The following PCDH11X variants were observed in gnomAD, a reference collection of about 807,000 sequenced individuals.
PCDH11X encodes the protein protocadherin-11 X-linked.
PCDH11X carries 18 observed loss-of-function variants against 53.3 expected under a neutral mutation model. The ratio of observed to expected loss-of-function variants is 0.34; its 90% CI spans 0.23 to 0.50. The LOEUF (loss-of-function observed/expected upper bound fraction) is 0.50. Ranked by LOEUF, PCDH11X falls within the 20% of genes least tolerant of loss-of-function variation. The pLI is 0.98. For missense variants in PCDH11X, 570 were observed against 1,032.4 expected (o/e 0.55, Z 6.14); for synonymous variants, 279 against 393.3 (o/e 0.71, Z 3.44).
At chrX:92,312,109 G>A (rs969919153) in intron 8 of PCDH11X, among the ~76,000 whole-genome samples, 2 of 111,552 alleles carry the variant, frequency 1.8e-5, no homozygotes, top group Non-Finnish European at 3.8e-5. Context: ...CATCATTGCA[G>A]TGCCAAAGAA....
chrX:92,170,164 G>T (rs1472415128), intron 6 of PCDH11X, among the ~76,000 whole-genome samples: 7 of 111,136 alleles, frequency 6.3e-5, no homozygotes, highest in Non-Finnish European at 1.3e-4. Context: ...TGAACTGAAA[G>T]TTGTATTTTT....
At chrX:91,820,884 T>C (rs1936652898) in intron 4 of PCDH11X, among the ~76,000 whole-genome samples, 1 of 106,200 alleles carries the variant, frequency 9.4e-6, no homozygotes, top group African/African-American at 3.8e-5. Flanking sequence ...TTCAGCTTTC[T>C]ACATATGGCT....
intron 9 of PCDH11X, among the ~76,000 whole-genome samples, chrX:92,392,294 A>G (rs979112180): frequency 1.1e-4 from 12 of 111,427 alleles, no homozygotes; most frequent in African/African-American, 3.2e-4. Flanking sequence ...AAAGATAAAT[A>G]TATGTTTTTA....
At chrX:91,899,932 G>A (rs1463340891) in intron 6 of PCDH11X, among the ~76,000 whole-genome samples, 1 of 111,566 alleles carries the variant, frequency 9.0e-6, no homozygotes, top group East Asian at 2.8e-4. Flanking sequence ...TATTCCCTTT[G>A]CCTTCAGCAA....
rs62607484 is a variant in PCDH11X at position 92,200,748 on chromosome X, G to A, written c.3034-627G>A. Reference sequence around the variant, plus strand: ...AATAGCAAATTTGTGTTGTGGTGGCGCACACAAGATTGATTTTAATTTGCA... The same window carrying A: ...AATAGCAAATTTGTGTTGTGGTGGCACACACAAGATTGATTTTAATTTGCA... On this transcript the variant is annotated intron_variant, in intron 6 of 10. Transcript: ENST00000682573. 7.3e-3 allele frequency among the ~76,000 whole-genome samples: 819 copies of A among 111,585 alleles called. 4 individuals carry two copies. Among genetic ancestry groups the A allele is most frequent in the Non-Finnish European group, 0.01 (547 of 53,091 alleles).
intron 8 of PCDH11X, among the ~76,000 whole-genome samples, chrX:92,294,186 G>A (rs1359735033): frequency 9.1e-6 from 1 of 110,269 alleles, no homozygotes; most frequent in Non-Finnish European, 1.9e-5. Context: ...TTGTTGCTCA[G>A]TTTGGAGTGC....
At chrX:92,263,271 T>A (rs1457545735) in intron 8 of PCDH11X, 128 bp downstream of exon 8, 6 of 511,866 alleles carry the variant, frequency 1.2e-5, no homozygotes, top group Non-Finnish European at 1.8e-5. Flanking sequence ...GGTTCTACTT[T>A]AAAAGAGAGT....
intron 9 of PCDH11X, among the ~76,000 whole-genome samples, chrX:92,415,578 G>T (rs4893320): frequency 0.32 from 35,804 of 110,529 alleles, 4,779 homozygotes; most frequent in East Asian, 0.7. Context: ...AAATATGTCA[G>T]TATTCATTTG....
At chrX:92,276,091 G>A (rs1050186837) in intron 8 of PCDH11X, among the ~76,000 whole-genome samples, 2 of 109,878 alleles carry the variant, frequency 1.8e-5, no homozygotes, top group African/African-American at 3.3e-5. Flanking sequence ...GCATAAAAGA[G>A]TATTGTCTCA....
intron 6 of PCDH11X, among the ~76,000 whole-genome samples, chrX:91,945,073 A>G (rs1391126248): frequency 1.1e-5 from 1 of 91,964 alleles, no homozygotes; most frequent in East Asian, 3.9e-4. Context: ...ATATATTCTT[A>G]AATGTCAGAA....
At chrX:91,846,593 G>C (rs1937679874) in intron 5 of PCDH11X, among the ~76,000 whole-genome samples, 1 of 107,816 alleles carries the variant, frequency 9.3e-6, no homozygotes, top group Non-Finnish European at 1.9e-5. Flanking sequence ...ACTCCAGCCT[G>C]GGCGACAGAG....
chrX:92,197,087 T>TA (rs2148316402), intron 6 of PCDH11X, among the ~76,000 whole-genome samples: 1 of 111,683 alleles, frequency 9.0e-6, no homozygotes, highest in African/African-American at 3.2e-5. Context: ...TTGACAAAAT[T>TA]CATAAAACTA....
chrX:92,615,170 G>A (rs1927829958), intron 10 of PCDH11X, among the ~76,000 whole-genome samples: 1 of 111,152 alleles, frequency 9.0e-6, no homozygotes, highest in African/African-American at 3.3e-5. Flanking sequence ...ACAGAAATAG[G>A]GGCAGGTAAA....
chrX:92,183,667 G>A (rs542402692), intron 6 of PCDH11X, among the ~76,000 whole-genome samples: 1 of 112,399 alleles, frequency 8.9e-6, no homozygotes, highest in East Asian at 2.8e-4. Flanking sequence ...AATATGACAG[G>A]TCTTGTGATC....
rs769991378 is a variant in PCDH11X, at chrX:92,582,273, G to GA, written c.3368-35976dup. ...ATTTGATCACAGACCTAAAAGCCTA[G>GA]AAAAAAAAAAAAAAATAGGTTTGTG... On this transcript the variant is annotated intron_variant, in intron 10 of 10. Coordinates refer to ENST00000682573, the MANE Select transcript of PCDH11X (RefSeq NM_032968.5). Among the ~76,000 whole-genome samples the GA allele has an allele frequency of 3.5e-3, 285 of 82,374 alleles. 2 individuals carry two copies. Among genetic ancestry groups the GA allele is most frequent in the Non-Finnish European group, 4.5e-3 (189 of 41,941 alleles). 71.5% of individuals were successfully genotyped at this position (82,374 alleles called of 115,157 possible).
chrX:92,170,429 A>G (rs1356433959), intron 6 of PCDH11X, among the ~76,000 whole-genome samples: 1 of 110,772 alleles, frequency 9.0e-6, no homozygotes, highest in Non-Finnish European at 1.9e-5. Flanking sequence ...TCAAAAAAAA[A>G]TTGGAAAAGA....
chrX:92,385,242 G>A (rs1156565313), intron 8 of PCDH11X, among the ~76,000 whole-genome samples: 1 of 100,401 alleles, frequency 1.0e-5, no homozygotes, highest in Non-Finnish European at 2.0e-5. Flanking sequence ...TGACAGGCTA[G>A]GTAATCCATG....
At chrX:92,018,729 C>T (rs920305891) in intron 6 of PCDH11X, among the ~76,000 whole-genome samples, 1 of 112,400 alleles carries the variant, frequency 8.9e-6, no homozygotes, top group African/African-American at 3.2e-5. Context: ...TTTGTAGAGC[C>T]ATGTACGTGT....
At chrX:92,093,688 T>G (rs1321527860) in intron 6 of PCDH11X, among the ~76,000 whole-genome samples, 1 of 111,303 alleles carries the variant, frequency 9.0e-6, no homozygotes, top group Admixed American at 9.6e-5. Flanking sequence ...TTTCAGGAAT[T>G]TATCTGTATG....
Sources: allele counts gnomAD v4.1 joint callset (sites outside exome capture counted in the v4.1 genomes callset), GRCh38; gene constraint gnomAD v4.1.1; transcripts MANE v1.5; gene names NCBI Gene and HGNC (gene_info 2026-07-23, HGNC 2026-07-21).